Variants in AMN1 observed in about 807,000 individuals in gnomAD.
AMN1 encodes antagonist of mitotic exit network 1 homolog, also known as protein AMN1 homolog.
Under a neutral mutation model 33.0 loss-of-function variants are expected in AMN1, and 20 were observed. That is an observed-to-expected ratio of 0.61 (90% CI 0.43 to 0.88). The LOEUF (loss-of-function observed/expected upper bound fraction) is 0.88, where lower values mean the gene tolerates loss of function less well. Ranked by LOEUF, AMN1 falls within the 40% of genes least tolerant of loss-of-function variation. AMN1 has a pLI of 0.00. For missense variants in AMN1, 246 were observed against 307.4 expected (o/e 0.80, Z 1.49); for synonymous variants, 114 against 111.9 (o/e 1.02, Z -0.12).
chr12:31,708,667 G>A (rs1388611773), intron 2 of AMN1: 1 of 160,412 alleles, frequency 6.2e-6, no homozygotes, highest in Non-Finnish European at 1.3e-5. Context: ...GGCTCAGGTG[G>A]GCATCACAGT....
At chr12:31,710,300 T>G (rs761501016) in intron 1 of AMN1, among the ~76,000 whole-genome samples, 6 of 152,168 alleles carry the variant, frequency 3.9e-5, no homozygotes, top group Non-Finnish European at 7.3e-5. Context: ...TCCAACCATC[T>G]GAAAAACTCA....
At chr12:31,722,158 C>T (rs1224112475) in intron 1 of AMN1, among the ~76,000 whole-genome samples, 1 of 151,788 alleles carries the variant, frequency 6.6e-6, no homozygotes, top group African/African-American at 2.4e-5. Context: ...CACACACACA[C>T]ACACACACAC....
chr12:31,729,048 T>G (rs767926699), upstream of AMN1: 3 of 1,510,538 alleles, frequency 2.0e-6, no homozygotes, highest in South Asian at 2.4e-5. Flanking sequence ...TCCCAGGGCC[T>G]CCAGAACCCA....
chr12:31,672,582 G>A (rs1042697014), intron 6 of AMN1: 1 of 421,990 alleles, frequency 2.4e-6, no homozygotes, highest in South Asian at 4.3e-5. Context: ...CACCTATCAT[G>A]GTATTACTTG....
intron 3 of AMN1, among the ~76,000 whole-genome samples, chr12:31,700,818 T>C (rs1045679473): frequency 2.0e-5 from 3 of 150,926 alleles, no homozygotes; most frequent in Non-Finnish European, 4.4e-5. Context: ...GCCTCCCGAG[T>C]AGCTGGGACT....
intron 3 of AMN1, among the ~76,000 whole-genome samples, chr12:31,700,288 G>C (rs1157689694): frequency 1.3e-5 from 2 of 152,100 alleles, no homozygotes; most frequent in African/African-American, 4.8e-5. Flanking sequence ...GCTTGAGCCT[G>C]GGAGGCTGAG....
upstream of AMN1, chr12:31,729,098 C>T: frequency 7.2e-7 from 1 of 1,396,856 alleles, no homozygotes; most frequent in East Asian, 2.6e-5. Context: ...CCGCGCGACG[C>T]GTAGGTTTTT....
intron 3 of AMN1, among the ~76,000 whole-genome samples, chr12:31,700,412 A>C (rs919487282): frequency 1.3e-5 from 2 of 152,124 alleles, no homozygotes; most frequent in Non-Finnish European, 2.9e-5. Context: ...ATTGAAAAAA[A>C]GAGGTCTATA....
intron 1 of AMN1, 102 bp downstream of exon 1, chr12:31,728,869 G>T (rs115896208): frequency 5.2e-6 from 7 of 1,346,590 alleles, no homozygotes; most frequent in African/African-American, 4.4e-5. Flanking sequence ...GAGGTCGGCG[G>T]GGGGGGTGGG....
chr12:31,709,212 T>C (rs764308579), intron 2 of AMN1, 81 bp downstream of exon 2: 9 of 1,471,380 alleles, frequency 6.1e-6, no homozygotes, highest in South Asian at 1.2e-5. Context: ...AGTCTTACCA[T>C]ATACCATTGT....
chr12:31,696,304 T>G (rs74541109), intron 5 of AMN1, among the ~76,000 whole-genome samples: 1,267 of 111,596 alleles, frequency 0.011, 18 homozygotes, highest in African/African-American at 0.04. Context: ...AAGATATAAG[T>G]TCTCACTATG....
chr12:31,702,056 A>C, intron 2 of AMN1, 49 bp from the exon 3 acceptor site: 1 of 1,435,732 alleles, frequency 7.0e-7, no homozygotes, highest in Non-Finnish European at 9.4e-7. Flanking sequence ...CTATAAATAC[A>C]AATATTTATT....
At chr12:31,709,570 AC>A in intron 1 of AMN1, 145 bp from the exon 2 acceptor site, 1 of 984,478 alleles carries the variant, frequency 1.0e-6, no homozygotes, top group South Asian at 1.9e-5. Context: ...TGTAATCCCA[AC>A]ACTTTGGGAA....
intron 2 of AMN1, among the ~76,000 whole-genome samples, chr12:31,706,407 C>T (rs1012514623): frequency 4.6e-5 from 7 of 151,920 alleles, no homozygotes; most frequent in East Asian, 1.9e-4. Flanking sequence ...GGATAGATGC[C>T]GCTCACCCCC....
intron 1 of AMN1, among the ~76,000 whole-genome samples, chr12:31,723,316 A>G (rs1592179251): frequency 6.6e-6 from 1 of 152,094 alleles, no homozygotes; most frequent in Non-Finnish European, 1.5e-5. Context: ...AGTCTGATCA[A>G]CCAACTCCAG....
chr12:31,673,380 A>G (rs1951321611), intron 6 of AMN1, among the ~76,000 whole-genome samples: 1 of 152,214 alleles, frequency 6.6e-6, no homozygotes, highest in Non-Finnish European at 1.5e-5. Context: ...ATAGAAATGA[A>G]AAGTTATTAT....
rs955905356 is a variant in AMN1 at position 31,728,297 on chromosome 12, AAAT to A, written c.38+671_38+673del. On this transcript the variant is annotated intron_variant, in intron 1 of 6. Transcript: ENST00000281471. ...CCATTTCCGTACAATTTCTGGTAGG[AAAT>A]AATAATAACAATAACACTTAGTGGT... Among the ~76,000 whole-genome samples the A allele has an allele frequency of 3.3e-5, 5 of 152,338 alleles. No homozygotes were observed. The East Asian group carries it at 7.7e-4, about 23-fold the overall frequency.
intron 2 of AMN1, among the ~76,000 whole-genome samples, chr12:31,703,732 A>G (rs940088983): frequency 2.6e-5 from 4 of 152,218 alleles, no homozygotes; most frequent in Non-Finnish European, 4.4e-5. Flanking sequence ...TATAAAATCA[A>G]TAGATTGTGG....
Position 31,685,164 on chromosome 12 carries a change from G to A in AMN1, c.703+3843C>T, listed in dbSNP as rs145304196. 9.6e-3 allele frequency among the ~76,000 whole-genome samples: 1,462 copies of A among 151,788 alleles called. 20 individuals are homozygous for A. The highest frequency in any genetic ancestry group is 0.033 in the African/African-American group (1,384 of 41,376). On this transcript the variant is annotated intron_variant, in intron 6 of 6. Transcript: ENST00000281471. ...CTGCCTCAGCCTCCCAAGTAGCTGG[G>A]ATTACAGGCACCCAGCCCCACACTC...
Sources: allele counts gnomAD v4.1 joint callset (sites outside exome capture counted in the v4.1 genomes callset), GRCh38; gene constraint gnomAD v4.1.1; transcripts MANE v1.5; gene names NCBI Gene and HGNC (gene_info 2026-07-23, HGNC 2026-07-21).